BRD2: variants seen among roughly 807,000 people sequenced by gnomAD.
BRD2 encodes the protein bromodomain containing 2.
In BRD2, 15 loss-of-function variants were observed where a neutral mutation model predicts 79.1. That is an observed-to-expected ratio of 0.19 (90% CI 0.13 to 0.29). BRD2 has a LOEUF of 0.29. BRD2 is among the 10% of genes least tolerant of loss of function. The pLI, the probability that BRD2 is intolerant of heterozygous loss-of-function variation, is 1.00. For missense variants in BRD2, 1,053 were observed against 991.3 expected (o/e 1.06, Z -0.84); for synonymous variants, 488 against 358.6 (o/e 1.36, Z -4.08).
At chr6:32,973,377 T>A (rs1778294376) in intron 2 of BRD2, among the ~76,000 whole-genome samples, 1 of 152,108 alleles carries the variant, frequency 6.6e-6, no homozygotes, top group South Asian at 2.1e-4. Context: ...GGTAAAGGGA[T>A]CACTCTCCCG....
intron 1 of BRD2, 36 bp downstream of exon 1, chr6:32,969,092 C>G (rs547695203): frequency 1.0e-5 from 5 of 493,948 alleles, no homozygotes; most frequent in South Asian, 9.1e-5. Context: ...AGATGTCAGT[C>G]AAGTGCTTAA....
At chr6:32,969,206 A>AG (rs963249359) in intron 1 of BRD2, 150 bp downstream of exon 1, 33 of 322,066 alleles carry the variant, frequency 1.0e-4, no homozygotes, top group Non-Finnish European at 1.6e-4. Context: ...GGGAGCGTGG[A>AG]GGGGGGGCGA....
In BRD2 at chr6:32,977,826, A is replaced by G. The variant is rs931923337; in HGVS notation, c.1399A>G (p.Thr467Ala). 5 of 1,612,988 alleles carry G rather than the reference A, an allele frequency of 3.1e-6. No individual in the cohort carries two copies. The African/African-American group carries it at 6.7e-5, about 22-fold the overall frequency. The change falls in exon 9 of 13, where the codon ACT becomes GCT. Residue 467 changes from threonine (T) to alanine (A), a missense_variant. Thr to Ala is a moderately conservative substitution (Grantham distance 58). Around this residue, in one of 5 missense-constraint regions of BRD2, gnomAD observed 454 missense variants for 430.5 expected, o/e 1.05. Coordinates refer to ENST00000374825, the MANE Select transcript of BRD2 (RefSeq NM_005104.4). Reference sequence around the variant, plus strand: ...AGAACCAGGGCCTTTACCAGTCTCTACTGCCATGCCCCCTGGCTTGGCCAA... The same window carrying G: ...AGAACCAGGGCCTTTACCAGTCTCTGCTGCCATGCCCCCTGGCTTGGCCAA... ...PLEPGPLPVS[T>A]AMPPGLAKSS... is the part of the protein sequence containing the mutation.
In BRD2 at chr6:32,972,267, T is replaced by C; in HGVS notation, c.-632T>C. ...GATTCTGCCTACCGATACAGAGCCT[T>C]CGAGTCGTCCGGGGCCGCCATTACA... is the stretch of plus-strand genomic sequence containing the variant. On this transcript the variant is annotated 5_prime_UTR_variant, in exon 2 of 13. Coordinates refer to ENST00000374825, the MANE Select transcript of BRD2 (RefSeq NM_005104.4). The C allele has an allele frequency of 2.3e-6, 1 of 438,612 alleles. No individual in the cohort carries two copies. The highest frequency in any genetic ancestry group is 4.3e-6 in the Non-Finnish European group (1 of 234,442). 27.2% of individuals were successfully genotyped at this position (438,612 alleles called of 1,614,324 possible). A position where few individuals can be genotyped will look rare whatever the true frequency, so the allele number is the denominator to read the frequency against.
rs139156709 is a variant in BRD2 at position 32,976,670 on chromosome 6, C to T, written c.934C>T (p.Arg312Trp). 1.1e-5 allele frequency: 18 copies of T among 1,612,924 alleles called. No homozygotes were observed. Among genetic ancestry groups the T allele is most frequent in the East Asian group, 2.2e-5 (1 of 44,904 alleles). The change falls in exon 7 of 13, where the codon CGG (arginine) becomes TGG (tryptophan). Residue 312 changes from arginine to tryptophan, a missense_variant. Arg to Trp is a moderately radical substitution (Grantham distance 101). This residue lies in a region of BRD2 where 454 missense variants were observed against 430.5 expected (regional missense o/e 1.05). Coordinates refer to ENST00000374825, the MANE Select transcript of BRD2 (RefSeq NM_005104.4). ...TGGGAGTCTTGAGCCTAAGGCAGCA[C>T]GGCTTCCCCCTATGCGTAGAGAGAG... ...PPGSLEPKAARLPPMRRESGR... is the reference protein window; with the variant it reads ...PPGSLEPKAAWLPPMRRESGR...
Position 32,974,684 on chromosome 6 carries a change from G to A in BRD2, c.252G>A (p.Lys84=), listed in dbSNP as rs1463130865. Residue 84 remains lysine, a synonymous_variant, in exon 3 of 13, where the codon AAG becomes AAA. Coordinates refer to ENST00000374825, the MANE Select transcript of BRD2 (RefSeq NM_005104.4). ...RVTNQLQYLH[K]VVMKALWKHQ... ...CCAACCAGCTGCAATACCTACACAAGGTAGTGATGAAGGCTCTGTGGAAAC... is the reference window on the plus strand; with the variant it reads ...CCAACCAGCTGCAATACCTACACAAAGTAGTGATGAAGGCTCTGTGGAAAC... 2.5e-6 allele frequency: 4 copies of A among 1,614,224 alleles called. No homozygotes were observed. Among genetic ancestry groups the A allele is most frequent in the East Asian group, 4.5e-5 (2 of 44,884 alleles).
rs1464456041 is a variant in BRD2 at position 32,969,030 on chromosome 6, G to A, written c.-1331G>A. ...GTACCAAGCCGAGGGCAACTTTGGA[G>A]GCCCCCTGGAAGGCTTTAGGATCCA... is the stretch of plus-strand genomic sequence containing the variant. On this transcript the variant is annotated 5_prime_UTR_variant, in exon 1 of 13. Transcript: ENST00000374825. 5.2e-6 allele frequency: 2 copies of A among 382,506 alleles called. No individual in the cohort carries two copies. Among genetic ancestry groups the A allele is most frequent in the Non-Finnish European group, 9.5e-6 (2 of 210,342 alleles). The allele number at this position is 382,506 out of a possible 1,614,324, so 23.7% of individuals were successfully genotyped here. A position where few individuals can be genotyped will look rare whatever the true frequency, so the allele number is the denominator to read the frequency against.
chr6:32,973,031 G>C (rs72865879), intron 2 of BRD2, 104 bp downstream of exon 2: 49,554 of 1,611,704 alleles, frequency 0.031, 856 homozygotes, highest in South Asian at 0.044. Flanking sequence ...GCGCGCTGCT[G>C]TTGCGGCGCA....
At position 32,980,346 on chromosome 6, in the gene BRD2, TAAG is replaced by T. The variant is rs1330941641; in HGVS notation, c.2155_2157del (p.Lys719del). On this transcript the variant is annotated inframe_deletion, in exon 12 of 13. Coordinates refer to ENST00000374825, the MANE Select transcript of BRD2 (RefSeq NM_005104.4). ...CTGATAAATTTCTTTCATTAGCCAT[TAAG>T]AAGCCTGTGGGAAAGACAAAGGAGG... 18 of 1,612,672 alleles carry T rather than the reference TAAG, an allele frequency of 1.1e-5. No individual in the cohort carries two copies. The highest frequency in any genetic ancestry group is 5.5e-5 in the South Asian group (5 of 91,070).
In BRD2 at chr6:32,972,730, C is replaced by A. The variant is rs1582886730; in HGVS notation, c.-169C>A. 1.0e-6 allele frequency: 1 copy of A among 1,004,874 alleles called. No individual in the cohort carries two copies. The highest frequency in any genetic ancestry group is 2.1e-5 in the Admixed American group (1 of 47,320). The allele number at this position is 1,004,874 out of a possible 1,614,324, so 62.2% of individuals were successfully genotyped here. On this transcript the variant is annotated 5_prime_UTR_variant, in exon 2 of 13. Transcript: ENST00000374825. ...AGCTGCCCGGAGCTCTCCGAGAGGC[C>A]CCAAAGAGACTGCTTTCGTGCCGGC...
rs994819959 is a variant in BRD2, at chr6:32,981,096, A to G, written c.*378A>G. The G allele has an allele frequency of 1.7e-5, 3 of 178,736 alleles. No homozygotes were observed. Among genetic ancestry groups the G allele is most frequent in the Non-Finnish European group, 2.4e-5 (2 of 83,292 alleles). 11.1% of individuals were successfully genotyped at this position (178,736 alleles called of 1,614,324 possible). On this transcript the variant is annotated 3_prime_UTR_variant, in exon 13 of 13. Coordinates refer to ENST00000374825, the MANE Select transcript of BRD2 (RefSeq NM_005104.4). ...GTTCTAATTTATTTTAAGCTAGGTAAGGCTGGGGGGAGGGTGGGGCCGTGG... is the reference window on the plus strand; with the variant it reads ...GTTCTAATTTATTTTAAGCTAGGTAGGGCTGGGGGGAGGGTGGGGCCGTGG...
chr6:32,973,060 C>T (rs776509186), intron 2 of BRD2, 133 bp downstream of exon 2: 4 of 1,598,506 alleles, frequency 2.5e-6, no homozygotes, highest in Non-Finnish European at 3.4e-6. Context: ...CTCGGTCGCG[C>T]GGAGGGAATT....
Position 32,977,479 on chromosome 6 carries a change from A to T in BRD2, c.1238A>T (p.Glu413Val), listed in dbSNP as rs990498810. The change falls in exon 8 of 13, where the codon GAG becomes GTG. Residue 413 changes from glutamate (E) to valine (V), a missense_variant. Physicochemically the swap from Glu to Val is moderately radical, Grantham distance 121. This residue lies in a region of BRD2 where 454 missense variants were observed against 430.5 expected (regional missense o/e 1.05). Coordinates refer to ENST00000374825, the MANE Select transcript of BRD2 (RefSeq NM_005104.4). ...MENRDYRDAQ[E>V]FAADVRLMFS... ...AACCGTGATTACCGGGATGCACAGG[A>T]GTTTGCTGCTGATGTACGGCTTATG... 2 of 1,613,982 alleles carry T rather than the reference A, an allele frequency of 1.2e-6. No homozygotes were observed. Among genetic ancestry groups the T allele is most frequent in the Non-Finnish European group, 1.7e-6 (2 of 1,180,028 alleles).
chr6:32,976,612 C>T lies in BRD2; in HGVS notation c.876C>T (p.Ala292=), dbSNP rs758796461. The T allele has an allele frequency of 3.1e-6, 5 of 1,610,504 alleles. No homozygotes were observed. In the South Asian group the frequency reaches 5.5e-5, roughly 18 times the overall value. ...KADTTTPTPT[A]ILAPGSPASP... ...ATACTACCACCCCTACACCTACAGC[C>T]ATCTTGGCTCCTGGTTCTCCAGCTA... The change falls in exon 7 of 13, where the codon GCC becomes GCT. Residue 292 remains alanine, a synonymous_variant. Coordinates refer to ENST00000374825, the MANE Select transcript of BRD2 (RefSeq NM_005104.4).
chr6:32,978,959 T>TA (rs1232967275), intron 10 of BRD2: 1 of 155,500 alleles, frequency 6.4e-6, no homozygotes, highest in Non-Finnish European at 1.4e-5. Context: ...CTGGGCCATA[T>TA]AGTTTGCCTG....
rs756621738 is a variant in BRD2, at chr6:32,976,231, CTT to C, written c.611-14_611-13del. The stretch of plus-strand genomic sequence containing the variant: ...AGATGGGGAAGAGAATCAAACTACA[CTT>C]TTTTCCTTTTTTCTAGCGCTCCAGG... On this transcript the variant is annotated splice_polypyrimidine_tract_variant and intron_variant, in intron 5 of 12. Transcript: ENST00000374825. 1.2e-6 allele frequency: 2 copies of C among 1,611,076 alleles called. No homozygotes were observed. The highest frequency in any genetic ancestry group is 1.7e-6 in the Non-Finnish European group (2 of 1,178,734).
At position 32,980,130 on chromosome 6, in the gene BRD2, A is replaced by G. The variant is rs1779327316; in HGVS notation, c.2144A>G (p.Tyr715Cys). ...SCLRKKPRKP[Y>C]TIKKPVGKTK... is the part of the protein sequence containing the mutation. Reference sequence around the variant, plus strand: ...CTACGTAAGAAACCCCGGAAGCCCTACAGTACGTATGAAATGAGGTTCATC... The same window carrying G: ...CTACGTAAGAAACCCCGGAAGCCCTGCAGTACGTATGAAATGAGGTTCATC... The change falls in exon 11 of 13, where the codon TAC (tyrosine) becomes TGC (cysteine). Residue 715 changes from tyrosine to cysteine, a missense_variant and splice_region_variant. Around this residue, in one of 5 missense-constraint regions of BRD2, gnomAD observed 139 missense variants for 133.2 expected, o/e 1.04. Transcript: ENST00000374825. 6.2e-7 allele frequency: 1 copy of G among 1,610,638 alleles called. No homozygotes were observed. The highest frequency in any genetic ancestry group is 1.1e-5 in the South Asian group (1 of 91,012).
At chr6:32,974,256 A>G (rs1778420849) in intron 2 of BRD2, among the ~76,000 whole-genome samples, 1 of 152,240 alleles carries the variant, frequency 6.6e-6, no homozygotes, top group Non-Finnish European at 1.5e-5. Flanking sequence ...GGATCTAGAT[A>G]GTATACTAAA....
At chr6:32,977,627 G>A (rs1778937533) in intron 8 of BRD2, 57 bp downstream of exon 8, 1 of 1,607,522 alleles carries the variant, frequency 6.2e-7, no homozygotes, top group Non-Finnish European at 8.5e-7. Flanking sequence ...ATTTTGTCAT[G>A]TGTGCTGCAT....
Sources: allele counts gnomAD v4.1 joint callset (sites outside exome capture counted in the v4.1 genomes callset), GRCh38; gene constraint gnomAD v4.1.1; regional missense constraint gnomAD v4.1.1; transcripts MANE v1.5; gene names NCBI Gene and HGNC (gene_info 2026-07-23, HGNC 2026-07-21).